The following WDR59 variants were observed in gnomAD, a reference collection of about 807,000 sequenced individuals.
The protein encoded by WDR59 is WD repeat domain 59.
Under a neutral mutation model 131.2 loss-of-function variants are expected in WDR59, and 100 were observed. That is an observed-to-expected ratio of 0.76 (90% CI 0.65 to 0.90). The LOEUF (loss-of-function observed/expected upper bound fraction) is 0.90, where lower values mean the gene tolerates loss of function less well. Among genes scored for constraint, WDR59 ranks in the 40% least tolerant of loss-of-function variants. WDR59 has a pLI of 0.00. For missense variants in WDR59, 1,203 were observed against 1,262.2 expected, an observed-to-expected ratio of 0.95 and a Z score of 0.71; for synonymous variants, 601 against 466.2, an observed-to-expected ratio of 1.29 and a Z score of -3.72.
Position 74,984,045 on chromosome 16 carries a change from G to T in WDR59, c.54+919C>A, listed in dbSNP as rs1327618436. Among the ~76,000 whole-genome samples the T allele has an allele frequency of 5.9e-5, 9 of 152,256 alleles. No homozygotes were observed. In the South Asian group the frequency reaches 1.5e-3, roughly 25 times the overall value. ...TAATCCCAGCACTTTGGGAGGCTGA[G>T]GTGGGTGGATCACCTGAGGTCAGGA... On this transcript the variant is annotated intron_variant, in intron 1 of 25. Coordinates refer to ENST00000262144, the MANE Select transcript of WDR59 (RefSeq NM_030581.4).
Position 74,961,336 on chromosome 16 carries a change from G to A in WDR59, c.104+4437C>T, listed in dbSNP as rs188105943. Among the ~76,000 whole-genome samples, 13 of 152,130 alleles carry A rather than the reference G, an allele frequency of 8.5e-5. No individual in the cohort carries two copies. In the East Asian group the frequency reaches 2.5e-3, roughly 29 times the overall value. ...CAACAACAAAAAAAACCCAATATAAGAAAATGAAAGTTCTAGGTCTTTCAA... is the reference window on the plus strand; with the variant it reads ...CAACAACAAAAAAAACCCAATATAAAAAAATGAAAGTTCTAGGTCTTTCAA... On this transcript the variant is annotated intron_variant, in intron 2 of 25. Transcript: ENST00000262144.
chr16:74,888,972 A>C (rs1024418284), intron 21 of WDR59, among the ~76,000 whole-genome samples: 4 of 152,218 alleles, frequency 2.6e-5, no homozygotes. Context: ...CTATCACTCA[A>C]TGTCTAATAT....
chr16:74,887,799 ACCATT>A, intron 22 of WDR59, 44 bp from the exon 23 acceptor site: 1 of 1,560,622 alleles, frequency 6.4e-7, no homozygotes, highest in Non-Finnish European at 8.8e-7. Flanking sequence ...GCATGAGAAT[ACCATT>A]CCCCATGACA....
chr16:74,878,635 G>A (rs1359160354), intron 25 of WDR59, among the ~76,000 whole-genome samples: 1 of 152,064 alleles, frequency 6.6e-6, no homozygotes, highest in African/African-American at 2.4e-5. Context: ...GACAGAGAGA[G>A]ACCTTGTTCC....
In WDR59 at chr16:74,955,161, C is replaced by G. The variant is rs753443501; in HGVS notation, c.240+1314G>C. Reference sequence around the variant, plus strand: ...CTTTGTTAGCACTCCCGAACAAATGCAGTGTTAATCCACTGAGTACAACAA... The same window carrying G: ...CTTTGTTAGCACTCCCGAACAAATGGAGTGTTAATCCACTGAGTACAACAA... On this transcript the variant is annotated intron_variant, in intron 3 of 25. Transcript: ENST00000262144. Among the ~76,000 whole-genome samples the G allele has an allele frequency of 1.2e-4, 18 of 152,190 alleles. 1 individual carries two copies. Among genetic ancestry groups the G allele is most frequent in the African/African-American group, 4.1e-4 (17 of 41,444 alleles).
At chr16:74,874,738 C>T (rs987856726) in intron 25 of WDR59, among the ~76,000 whole-genome samples, 1 of 152,152 alleles carries the variant, frequency 6.6e-6, no homozygotes, top group Non-Finnish European at 1.5e-5. Flanking sequence ...ATTACAGGCA[C>T]CTGCCACCAC....
chr16:74,893,903 T>C, intron 18 of WDR59, 91 bp from the exon 19 acceptor site: 1 of 1,424,978 alleles, frequency 7.0e-7, no homozygotes, highest in African/African-American at 1.4e-5. Flanking sequence ...TCATTGGCAA[T>C]TTGCACTTTT....
intron 14 of WDR59, among the ~76,000 whole-genome samples, chr16:74,911,611 T>C (rs939866790): frequency 1.3e-5 from 2 of 152,246 alleles, no homozygotes; most frequent in African/African-American, 4.8e-5. Context: ...CAGGCTGTGG[T>C]GCCTCCACCT....
intron 18 of WDR59, 96 bp downstream of exon 18, chr16:74,903,851 G>A (rs994795314): frequency 1.4e-6 from 2 of 1,402,450 alleles, no homozygotes; most frequent in African/African-American, 2.9e-5. Context: ...AAGGCTACAG[G>A]GTGATTACTA....
chr16:74,909,742 GA>G, intron 15 of WDR59, 79 bp downstream of exon 15: 1 of 1,569,314 alleles, frequency 6.4e-7, no homozygotes, highest in Non-Finnish European at 8.6e-7. Flanking sequence ...GACAAAACCA[GA>G]AAACCCATGA....
At chr16:74,936,155 T>C (rs1251468741) in intron 8 of WDR59, among the ~76,000 whole-genome samples, 4 of 152,094 alleles carry the variant, frequency 2.6e-5, no homozygotes, top group Admixed American at 2.0e-4. Flanking sequence ...GTGCTGGGAT[T>C]ATAGGCATGA....
At chr16:74,941,584 C>T (rs1440323422) in intron 7 of WDR59, among the ~76,000 whole-genome samples, 1 of 151,732 alleles carries the variant, frequency 6.6e-6, no homozygotes, top group African/African-American at 2.4e-5. Flanking sequence ...GTCCCAGCTA[C>T]TGGGGAGGCT....
chr16:74,901,947 ATGAC>A (rs1443621927), intron 18 of WDR59, among the ~76,000 whole-genome samples: 1 of 152,202 alleles, frequency 6.6e-6, no homozygotes, highest in Non-Finnish European at 1.5e-5. Flanking sequence ...TCATCACAAA[ATGAC>A]TGACTTATTC....
intron 8 of WDR59, among the ~76,000 whole-genome samples, chr16:74,927,904 C>CTTTTTTTTTTTTT (rs199671092): frequency 1.5e-5 from 2 of 137,910 alleles, no homozygotes; most frequent in African/African-American, 5.6e-5. Context: ...TTTATTCTTT[C>CTTTTTTTTTTTTT]TTTCTTTTTT....
intron 25 of WDR59, among the ~76,000 whole-genome samples, chr16:74,881,119 C>A (rs767451547): frequency 6.6e-6 from 1 of 152,162 alleles, no homozygotes; most frequent in Non-Finnish European, 1.5e-5. Flanking sequence ...AAAAAATCAT[C>A]TTATATCCTG....
intron 8 of WDR59, among the ~76,000 whole-genome samples, chr16:74,935,109 A>G (rs1243348093): frequency 6.6e-6 from 1 of 152,012 alleles, no homozygotes; most frequent in Non-Finnish European, 1.5e-5. Context: ...CACCCTTGTA[A>G]TCCCAGCTAC....
chr16:74,946,405 C>G (rs947615453), intron 6 of WDR59, among the ~76,000 whole-genome samples: 1 of 152,086 alleles, frequency 6.6e-6, no homozygotes, highest in Non-Finnish European at 1.5e-5. Context: ...TACATACACT[C>G]GTCTACAGAA....
At chr16:74,874,731 A>G (rs965819644) in intron 25 of WDR59, among the ~76,000 whole-genome samples, 7 of 152,128 alleles carry the variant, frequency 4.6e-5, no homozygotes, top group Non-Finnish European at 8.8e-5. Context: ...AGCTGGAATT[A>G]CAGGCACCTG....
Position 74,885,691 on chromosome 16 carries a change from T to G in WDR59, c.2651A>C (p.Lys884Thr). The G allele has an allele frequency of 6.2e-7, 1 of 1,614,066 alleles. No homozygotes were observed. Among genetic ancestry groups the G allele is most frequent in the Non-Finnish European group, 8.5e-7 (1 of 1,180,014 alleles). Residue 884 changes from lysine to threonine, a missense_variant, in exon 25 of 26, where the codon AAG (lysine) becomes ACG (threonine). Lys to Thr is a moderately conservative substitution (Grantham distance 78). Coordinates refer to ENST00000262144, the MANE Select transcript of WDR59 (RefSeq NM_030581.4). The stretch of plus-strand genomic sequence containing the variant: ...AGGGTCAGGAGGACAGGAGACAAAC[T>G]TCAACACTTCAGCTCGCTTCTCTCT... ...GLREKRAEVL[K>T]FVSCPPDPHK...
Sources: allele counts gnomAD v4.1 joint callset (sites outside exome capture counted in the v4.1 genomes callset), GRCh38; gene constraint gnomAD v4.1.1; transcripts MANE v1.5; gene names NCBI Gene and HGNC (gene_info 2026-07-23, HGNC 2026-07-21).